Variants in PPP4R4 observed in about 807,000 individuals in gnomAD.
PPP4R4 encodes the protein protein phosphatase 4 regulatory subunit 4.
PPP4R4 carries 70 observed loss-of-function variants against 121.8 expected under a neutral mutation model. The ratio of observed to expected loss-of-function variants is 0.57; its 90% CI spans 0.47 to 0.70. PPP4R4 has a LOEUF of 0.70. Among genes scored for constraint, PPP4R4 ranks in the 30% least tolerant of loss-of-function variants. PPP4R4 has a pLI of 0.00. For synonymous variants in PPP4R4, 348 were observed against 355.7 expected (o/e 0.98, Z 0.24); for missense variants, 875 against 1,033.6 (o/e 0.85, Z 2.10).
intron 3 of PPP4R4, chr14:94,227,282 C>T: frequency 6.2e-7 from 1 of 1,605,026 alleles, no homozygotes; most frequent in South Asian, 1.1e-5. Context: ...CAGTGTCTTC[C>T]AAGGTCCATG....
At chr14:94,205,885 G>A in intron 2 of PPP4R4, among the ~76,000 whole-genome samples, 1 of 151,904 alleles carries the variant, frequency 6.6e-6, no homozygotes, top group Non-Finnish European at 1.5e-5. Context: ...ATTTGTTGAG[G>A]TTTGTTTTGT....
rs1457890706 is a variant in PPP4R4 at position 94,278,696 on chromosome 14, T to C, written c.*53T>C. The C allele has an allele frequency of 5.9e-6, 9 of 1,523,798 alleles. No individual in the cohort carries two copies. The highest frequency in any genetic ancestry group is 5.6e-5 in the African/African-American group (4 of 71,438). 94.4% of individuals were successfully genotyped at this position (1,523,798 alleles called of 1,614,324 possible). The stretch of plus-strand genomic sequence containing the variant: ...CAAAGGCAGCAGGAGATAATGTGAT[T>C]GGTACACAAAAGCTAAAGCAGTGGC... On this transcript the variant is annotated 3_prime_UTR_variant, in exon 25 of 25. Transcript: ENST00000304338.
At chr14:94,235,952 T>A (rs1328590107) in intron 7 of PPP4R4, among the ~76,000 whole-genome samples, 1 of 152,178 alleles carries the variant, frequency 6.6e-6, no homozygotes, top group Non-Finnish European at 1.5e-5. Context: ...GCTAGGACAA[T>A]CAGATTGTGG....
intron 12 of PPP4R4, among the ~76,000 whole-genome samples, chr14:94,244,993 T>G (rs2139580008): frequency 6.6e-6 from 1 of 152,262 alleles, no homozygotes; most frequent in African/African-American, 2.4e-5. Context: ...ATGCCTTTAA[T>G]TTCAATTACT....
intron 19 of PPP4R4, among the ~76,000 whole-genome samples, chr14:94,262,330 A>G (rs1408325568): frequency 6.6e-6 from 1 of 151,972 alleles, no homozygotes; most frequent in African/African-American, 2.4e-5. Context: ...ATCTGTTGGC[A>G]TGAAGTTATT....
intron 2 of PPP4R4, among the ~76,000 whole-genome samples, chr14:94,191,087 A>G (rs1443640312): frequency 1.3e-5 from 2 of 152,214 alleles, no homozygotes; most frequent in African/African-American, 2.4e-5. Flanking sequence ...CAAATCCAAG[A>G]TAAACAATAC....
At chr14:94,217,294 A>G (rs1440622676) in intron 3 of PPP4R4, among the ~76,000 whole-genome samples, 2 of 152,170 alleles carry the variant, frequency 1.3e-5, no homozygotes, top group African/African-American at 4.8e-5. Context: ...ATAGTGGCCC[A>G]CTATTGGAGG....
At chr14:94,245,183 A>G (rs958517717) in intron 12 of PPP4R4, among the ~76,000 whole-genome samples, 1 of 152,172 alleles carries the variant, frequency 6.6e-6, no homozygotes, top group African/African-American at 2.4e-5. Context: ...TTGATGCTAT[A>G]TTTAGATATT....
At position 94,278,680 on chromosome 14, in the gene PPP4R4, C is replaced by G. The variant is rs779976184; in HGVS notation, c.*37C>G. The G allele has an allele frequency of 3.8e-5, 59 of 1,541,360 alleles. No individual in the cohort carries two copies. In the East Asian group the frequency reaches 1.4e-3, roughly 37 times the overall value. On this transcript the variant is annotated 3_prime_UTR_variant, in exon 25 of 25. Transcript: ENST00000304338. ...GATGAAGGAGGCAAAACAAAGGCAG[C>G]AGGAGATAATGTGATTGGTACACAA...
At chr14:94,255,332 C>T (rs561792296) in intron 16 of PPP4R4, among the ~76,000 whole-genome samples, 97 of 151,480 alleles carry the variant, frequency 6.4e-4, no homozygotes, top group Admixed American at 2.8e-3. Context: ...GGCGCGGTGG[C>T]TCCTGCCTGT....
At chr14:94,265,674 GA>G in intron 21 of PPP4R4, 119 bp from the exon 22 acceptor site, 6 of 868,106 alleles carry the variant, frequency 6.9e-6, no homozygotes, top group Admixed American at 5.3e-5. Flanking sequence ...TCAAATTAAG[GA>G]AAAAAGGCTA....
intron 2 of PPP4R4, among the ~76,000 whole-genome samples, chr14:94,197,578 C>T (rs563127390): frequency 1.3e-5 from 2 of 152,180 alleles, no homozygotes; most frequent in East Asian, 3.9e-4. Flanking sequence ...TATTGATGTA[C>T]AGTAAACTAC....
intron 2 of PPP4R4, among the ~76,000 whole-genome samples, chr14:94,178,355 T>C (rs1183252036): frequency 6.6e-6 from 1 of 150,754 alleles, no homozygotes; most frequent in African/African-American, 2.4e-5. Context: ...TAACATGTTA[T>C]ATATATATTT....
chr14:94,240,979 A>G (rs1251083836), intron 9 of PPP4R4, among the ~76,000 whole-genome samples, 184 bp downstream of exon 9: 1 of 152,166 alleles, frequency 6.6e-6, no homozygotes, highest in Non-Finnish European at 1.5e-5. Flanking sequence ...CTTTTTCACC[A>G]ATAGAACCTA....
In PPP4R4 at chr14:94,264,881, C is replaced by G. The variant is rs373727299; in HGVS notation, c.2131C>G (p.Gln711Glu). Reference protein sequence around the residue: ...REELLLLEMEQLEKEKQQNDG... With the variant: ...REELLLLEMEELEKEKQQNDG... ...CAAGATACTGTCTTAATAACAGGAACAATTAGAGAAAGAAAAGCAACAGAA... is the reference window on the plus strand; with the variant it reads ...CAAGATACTGTCTTAATAACAGGAAGAATTAGAGAAAGAAAAGCAACAGAA... The change falls in exon 20 of 25, where the codon CAA (glutamine) becomes GAA (glutamate). Residue 711 changes from glutamine to glutamate, a missense_variant. Coordinates refer to ENST00000304338, the MANE Select transcript of PPP4R4 (RefSeq NM_058237.2). 9 of 1,599,146 alleles carry G rather than the reference C, an allele frequency of 5.6e-6. No homozygotes were observed. The highest frequency in any genetic ancestry group is 7.7e-6 in the Non-Finnish European group (9 of 1,173,458).
At chr14:94,240,575 G>A in intron 8 of PPP4R4, 98 bp from the exon 9 acceptor site, 1 of 1,309,882 alleles carries the variant, frequency 7.6e-7, no homozygotes, top group Non-Finnish European at 1.0e-6. Flanking sequence ...GGCTAACATA[G>A]TAATTTTTCT....
intron 10 of PPP4R4, 104 bp downstream of exon 10, chr14:94,242,061 CATT>C (rs1892663065): frequency 1.6e-6 from 2 of 1,215,516 alleles, no homozygotes; most frequent in Admixed American, 4.8e-5. Flanking sequence ...TTGCTGCTTG[CATT>C]ATGTCTAGCA....
chr14:94,241,879 A>C lies in PPP4R4; in HGVS notation c.1068A>C (p.Glu356Asp). 6.2e-7 allele frequency: 1 copy of C among 1,611,270 alleles called. No homozygotes were observed. Among genetic ancestry groups the C allele is most frequent in the Admixed American group, 1.7e-5 (1 of 59,486 alleles). Residue 356 changes from glutamate (E) to aspartate (D), a missense_variant, in exon 10 of 25, where the codon GAA (glutamate) becomes GAC (aspartate). Transcript: ENST00000304338. ...LGLQQENGHNENQIPPQILEQ... is the reference protein window; with the variant it reads ...LGLQQENGHNDNQIPPQILEQ... ...TGCAACAAGAAAATGGACACAATGA[A>C]AACCAGATTCCACCCCAAATCCTAG...
At chr14:94,232,245 A>G (rs1053689097) in intron 5 of PPP4R4, among the ~76,000 whole-genome samples, 3 of 152,200 alleles carry the variant, frequency 2.0e-5, no homozygotes, top group Non-Finnish European at 2.9e-5. Flanking sequence ...ATTCCTATAT[A>G]CATTTCTTTC....
Sources: allele counts gnomAD v4.1 joint callset (sites outside exome capture counted in the v4.1 genomes callset), GRCh38; gene constraint gnomAD v4.1.1; transcripts MANE v1.5; gene names NCBI Gene and HGNC (gene_info 2026-07-23, HGNC 2026-07-21).